Variants in SGCD observed in about 807,000 individuals in gnomAD.
SGCD encodes delta-sarcoglycan.
SGCD carries 18 observed loss-of-function variants against 36.6 expected under a neutral mutation model. That is an observed-to-expected ratio of 0.49 (90% CI 0.34 to 0.73). SGCD has a LOEUF of 0.73. Ranked by LOEUF, SGCD falls within the 30% of genes least tolerant of loss-of-function variation. The probability of loss-of-function intolerance (pLI) is 0.01; values close to 1 mark genes in which losing one functional copy is unlikely to be tolerated. For synonymous variants in SGCD, 133 were observed against 130.6 expected (o/e 1.02, Z -0.12); for missense variants, 387 against 346.7 (o/e 1.12, Z -0.92).
intron 7 of SGCD, among the ~76,000 whole-genome samples, chr5:156,725,350 A>G (rs935402324): frequency 1.2e-4 from 18 of 152,236 alleles, no homozygotes; most frequent in Non-Finnish European, 7.3e-5. Flanking sequence ...CTGAGGTTCT[A>G]TGATTTATTA....
intron 1 of SGCD, among the ~76,000 whole-genome samples, chr5:155,970,945 T>C (rs1417204690): frequency 1.3e-5 from 2 of 152,134 alleles, no homozygotes; most frequent in Non-Finnish European, 2.9e-5. Flanking sequence ...GGCTGGCATG[T>C]CTGTGATTTT....
chr5:156,679,943 A>G (rs1753661387), intron 7 of SGCD, among the ~76,000 whole-genome samples: 1 of 152,190 alleles, frequency 6.6e-6, no homozygotes, highest in Non-Finnish European at 1.5e-5. Flanking sequence ...TTCTCAAACA[A>G]AGAGAATTCC....
At chr5:156,671,322 G>C (rs1753284211) in intron 7 of SGCD, among the ~76,000 whole-genome samples, 1 of 146,932 alleles carries the variant, frequency 6.8e-6, no homozygotes, top group South Asian at 2.1e-4. Flanking sequence ...ACCCAGGCTG[G>C]AGTGCAGTGG....
At chr5:156,055,264 G>A (rs1760032130) in intron 1 of SGCD, among the ~76,000 whole-genome samples, 1 of 144,352 alleles carries the variant, frequency 6.9e-6, no homozygotes, top group African/African-American at 2.5e-5. Flanking sequence ...GATAGACTAT[G>A]AGAAGAAAAG....
intron 6 of SGCD, among the ~76,000 whole-genome samples, chr5:156,613,747 A>G (rs1470809973): frequency 6.6e-6 from 1 of 152,220 alleles, no homozygotes; most frequent in Non-Finnish European, 1.5e-5. Context: ...ACCCAAGACA[A>G]TGATAGCAAA....
intron 4 of SGCD, among the ~76,000 whole-genome samples, chr5:156,524,755 C>A (rs1757575480): frequency 6.6e-6 from 1 of 151,930 alleles, no homozygotes; most frequent in Admixed American, 6.6e-5. Flanking sequence ...TACCCCACTC[C>A]CACCCTCACT....
intron 3 of SGCD, among the ~76,000 whole-genome samples, chr5:156,412,787 C>CTTTTTTTTTTT (rs35464853): frequency 1.9e-5 from 2 of 105,032 alleles, no homozygotes; most frequent in African/African-American, 3.9e-5. Context: ...AGGGTTGGTT[C>CTTTTTTTTTTT]TTTTTTTTTT....
Position 156,036,331 on chromosome 5 carries a change from A to C in SGCD, c.-281-81547A>C, listed in dbSNP as rs571417403. On this transcript the variant is annotated intron_variant, in intron 1 of 9. Transcript: ENST00000517913. The stretch of plus-strand genomic sequence containing the variant: ...GCAGAGTTTTTAAAGGCAGGGGTAC[A>C]TTTCAGGAAAGCAGAAGTTTCAGGC... Among the ~76,000 whole-genome samples, 4 of 152,302 alleles carry C rather than the reference A, an allele frequency of 2.6e-5. No homozygotes were observed. The South Asian group carries it at 6.2e-4, about 24-fold the overall frequency.
intron 3 of SGCD, among the ~76,000 whole-genome samples, chr5:156,134,912 C>T (rs1762419809): frequency 6.6e-6 from 1 of 152,170 alleles, no homozygotes. Flanking sequence ...CTGGAAGTCA[C>T]ATATTCCCTT....
chr5:155,996,391 A>C (rs1033898156), intron 1 of SGCD, among the ~76,000 whole-genome samples: 5 of 152,168 alleles, frequency 3.3e-5, no homozygotes, highest in African/African-American at 1.2e-4. Context: ...AACGGGTTCC[A>C]AAAATTTCAA....
At chr5:156,540,307 A>AC (rs1021129858) in intron 4 of SGCD, among the ~76,000 whole-genome samples, 16 of 151,744 alleles carry the variant, frequency 1.1e-4, no homozygotes, top group South Asian at 2.1e-4. Context: ...TTTGTCACTT[A>AC]TTTTTTTTAG....
At chr5:155,991,588 C>T (rs920941708) in intron 1 of SGCD, among the ~76,000 whole-genome samples, 1 of 152,164 alleles carries the variant, frequency 6.6e-6, no homozygotes, top group African/African-American at 2.4e-5. Flanking sequence ...CTAATGGAGA[C>T]AAGGAGCAAT....
At chr5:156,745,049 G>T (rs964363622) in intron 7 of SGCD, among the ~76,000 whole-genome samples, 12 of 152,152 alleles carry the variant, frequency 7.9e-5, no homozygotes, top group African/African-American at 2.9e-4. Context: ...TAACCTAGAT[G>T]AAATTTAGCT....
At chr5:156,516,710 T>C (rs1757191361) in intron 4 of SGCD, among the ~76,000 whole-genome samples, 1 of 152,100 alleles carries the variant, frequency 6.6e-6, no homozygotes, top group South Asian at 2.1e-4. Context: ...AGGTGGGTAA[T>C]AATGGGCTGG....
At chr5:156,716,823 C>G (rs1755243990) in intron 7 of SGCD, among the ~76,000 whole-genome samples, 1 of 152,210 alleles carries the variant, frequency 6.6e-6, no homozygotes, top group South Asian at 2.1e-4. Context: ...ATTTACACAT[C>G]TGTTCCTCCT....
intron 1 of SGCD, among the ~76,000 whole-genome samples, chr5:156,052,860 A>G (rs1759957431): frequency 6.8e-6 from 1 of 146,308 alleles, no homozygotes; most frequent in Non-Finnish European, 1.5e-5. Context: ...CAAAGTCCAG[A>G]CCCTTGCAGG....
At chr5:156,024,748 A>G (rs1759188277) in intron 1 of SGCD, among the ~76,000 whole-genome samples, 1 of 152,146 alleles carries the variant, frequency 6.6e-6, no homozygotes, top group Admixed American at 6.5e-5. Context: ...GCCTGAGTTT[A>G]GGAGTTCGCA....
At chr5:155,944,913 A>G (rs543351975) in intron 1 of SGCD, among the ~76,000 whole-genome samples, 1 of 147,460 alleles carries the variant, frequency 6.8e-6, no homozygotes, top group Non-Finnish European at 1.5e-5. Flanking sequence ...GAGCCATGCA[A>G]AAAAAAATAA....
chr5:156,500,381 A>G (rs2127861729), intron 3 of SGCD, among the ~76,000 whole-genome samples: 1 of 152,312 alleles, frequency 6.6e-6, no homozygotes, highest in Non-Finnish European at 1.5e-5. Flanking sequence ...ATTACATTCT[A>G]CTGCAATCTG....
Sources: allele counts gnomAD v4.1 joint callset (sites outside exome capture counted in the v4.1 genomes callset), GRCh38; gene constraint gnomAD v4.1.1; transcripts MANE v1.5; gene names NCBI Gene and HGNC (gene_info 2026-07-23, HGNC 2026-07-21).